GRIP1: variants seen among roughly 807,000 people sequenced by gnomAD.
GRIP1 encodes the protein glutamate receptor-interacting protein 1.
A neutral mutation model predicts 129.9 loss-of-function variants in GRIP1; 45 were observed. That is an observed-to-expected ratio of 0.35 (90% CI 0.27 to 0.44). The LOEUF (loss-of-function observed/expected upper bound fraction) is 0.44. Ranked by LOEUF, GRIP1 falls within the 20% of genes least tolerant of loss-of-function variation. The pLI is 1.00. For missense variants in GRIP1, 1,196 were observed against 1,396.8 expected, an observed-to-expected ratio of 0.86 and a Z score of 2.29; for synonymous variants, 530 against 520.8, an observed-to-expected ratio of 1.02 and a Z score of -0.24.
At chr12:66,949,522 A>C (rs1566091074) in intron 1 of GRIP1, among the ~76,000 whole-genome samples, 2 of 152,214 alleles carry the variant, frequency 1.3e-5, no homozygotes, top group African/African-American at 4.8e-5. Context: ...AGGATGAATT[A>C]AAGATGAATT....
chr12:66,700,475 T>G (rs2035313065), intron 1 of GRIP1, among the ~76,000 whole-genome samples: 1 of 151,604 alleles, frequency 6.6e-6, no homozygotes, highest in African/African-American at 2.4e-5. Context: ...TTCACCACAT[T>G]GCCCAGGCTG....
intron 1 of GRIP1, among the ~76,000 whole-genome samples, chr12:66,771,672 C>T (rs1409916087): frequency 1.3e-5 from 2 of 152,200 alleles, no homozygotes; most frequent in Non-Finnish European, 2.9e-5. Flanking sequence ...AATGACCTGG[C>T]TTTTCAGAGC....
intron 1 of GRIP1, among the ~76,000 whole-genome samples, chr12:66,640,397 A>T (rs935139276): frequency 6.6e-6 from 1 of 152,186 alleles, no homozygotes; most frequent in African/African-American, 2.4e-5. Flanking sequence ...TCATCCCTAG[A>T]ATAACAAGAT....
At chr12:67,047,720 C>T (rs931806891) in intron 1 of GRIP1, among the ~76,000 whole-genome samples, 2 of 152,154 alleles carry the variant, frequency 1.3e-5, no homozygotes. Flanking sequence ...CAATTATGGG[C>T]AATGCCATAT....
chr12:66,440,649 C>T (rs2058446727), intron 13 of GRIP1, among the ~76,000 whole-genome samples: 1 of 152,130 alleles, frequency 6.6e-6, no homozygotes, highest in African/African-American at 2.4e-5. Context: ...TTTCTCATTC[C>T]TTTGTGGATC....
At chr12:66,586,556 A>C (rs925853828) in intron 2 of GRIP1, among the ~76,000 whole-genome samples, 2 of 151,864 alleles carry the variant, frequency 1.3e-5, no homozygotes, top group Non-Finnish European at 2.9e-5. Context: ...CAAAATTTCT[A>C]TCTCCACCTA....
intron 1 of GRIP1, among the ~76,000 whole-genome samples, chr12:67,029,522 T>G (rs1248211197): frequency 6.9e-6 from 1 of 145,886 alleles, no homozygotes; most frequent in African/African-American, 2.6e-5. Flanking sequence ...GAGGTTGCAG[T>G]ATGCTATGAC....
intron 2 of GRIP1, among the ~76,000 whole-genome samples, chr12:66,562,021 T>C (rs2062551894): frequency 6.6e-6 from 1 of 151,948 alleles, no homozygotes; most frequent in South Asian, 2.1e-4. Flanking sequence ...GGTGAGAGGA[T>C]TGCTTGAGCC....
At chr12:66,577,033 G>A (rs531930233) in intron 2 of GRIP1, among the ~76,000 whole-genome samples, 2 of 152,296 alleles carry the variant, frequency 1.3e-5, no homozygotes, top group East Asian at 3.9e-4. Context: ...GTGGCAAAGT[G>A]TCTAGTTTTG....
At chr12:66,644,027 G>A (rs1036933847) in intron 1 of GRIP1, among the ~76,000 whole-genome samples, 16 of 152,140 alleles carry the variant, frequency 1.1e-4, no homozygotes, top group African/African-American at 3.4e-4. Flanking sequence ...CATGGTGGGA[G>A]GCGAAAGGTA....
chr12:66,378,187 A>T (rs2055906322), intron 20 of GRIP1, among the ~76,000 whole-genome samples: 1 of 152,158 alleles, frequency 6.6e-6, no homozygotes, highest in African/African-American at 2.4e-5. Context: ...CACGCCTGTA[A>T]TCCCAGCACT....
At chr12:66,631,047 T>C (rs1041081334) in intron 1 of GRIP1, among the ~76,000 whole-genome samples, 3 of 152,134 alleles carry the variant, frequency 2.0e-5, no homozygotes, top group African/African-American at 7.2e-5. Context: ...ACGATTCTCC[T>C]GCCTCAGCCA....
At chr12:67,066,759 G>A (rs1333694904) in intron 1 of GRIP1, among the ~76,000 whole-genome samples, 1 of 151,664 alleles carries the variant, frequency 6.6e-6, no homozygotes, top group Non-Finnish European at 1.5e-5. Context: ...AATTTGACCT[G>A]AAATACAAAT....
At chr12:66,852,999 C>T (rs557697848) in intron 1 of GRIP1, among the ~76,000 whole-genome samples, 7 of 151,972 alleles carry the variant, frequency 4.6e-5, no homozygotes, top group African/African-American at 9.6e-5. Context: ...GCCAAGCTAG[C>T]AGAACACATC....
intron 2 of GRIP1, among the ~76,000 whole-genome samples, chr12:66,585,156 G>A (rs1394275080): frequency 6.8e-6 from 1 of 147,458 alleles, no homozygotes; most frequent in Non-Finnish European, 1.5e-5. Flanking sequence ...CATTGTGCAG[G>A]TTAGTTACAT....
chr12:66,911,989 C>T (rs1247131635), intron 1 of GRIP1, among the ~76,000 whole-genome samples: 2 of 152,164 alleles, frequency 1.3e-5, no homozygotes, highest in Non-Finnish European at 2.9e-5. Context: ...GTAATTACAT[C>T]AATCTACATT....
chr12:66,575,902 A>G (rs899593946), intron 2 of GRIP1, among the ~76,000 whole-genome samples: 2 of 152,224 alleles, frequency 1.3e-5, no homozygotes, highest in Non-Finnish European at 2.9e-5. Context: ...GGTAGGCAAA[A>G]TCATATTAAA....
At chr12:66,542,404 G>T (rs1167264522) in intron 2 of GRIP1, among the ~76,000 whole-genome samples, 1 of 152,182 alleles carries the variant, frequency 6.6e-6, no homozygotes, top group East Asian at 1.9e-4. Context: ...CCAACTGAAA[G>T]GAGAAGAGTG....
chr12:66,715,471 TGAGAGA>T (rs71447469), intron 1 of GRIP1, among the ~76,000 whole-genome samples: 88 of 110,112 alleles, frequency 8.0e-4, no homozygotes, highest in South Asian at 6.4e-3. Flanking sequence ...TGTGTGTGTG[TGAGAGA>T]GAGAGAGAGA....
Sources: allele counts gnomAD v4.1 joint callset (sites outside exome capture counted in the v4.1 genomes callset), GRCh38; gene constraint gnomAD v4.1.1; transcripts MANE v1.5; gene names NCBI Gene and HGNC (gene_info 2026-07-23, HGNC 2026-07-21).